KLF11: variants seen among roughly 807,000 people sequenced by gnomAD.
KLF11 encodes KLF transcription factor 11.
Under a neutral mutation model 29.9 loss-of-function variants are expected in KLF11, and 26 were observed. That is an observed-to-expected ratio of 0.87 (90% CI 0.64 to 1.21). KLF11 has a LOEUF of 1.21. KLF11 is among the 50% of genes most tolerant of loss of function. KLF11 has a pLI of 0.00. For missense variants in KLF11, 778 were observed against 665.7 expected (o/e 1.17, Z -1.86); for synonymous variants, 318 against 257.4 (o/e 1.24, Z -2.25).
chr2:10,050,720 T>TAA (rs1161205319), intron 3 of KLF11, among the ~76,000 whole-genome samples: 1 of 151,844 alleles, frequency 6.6e-6, no homozygotes, highest in Non-Finnish European at 1.5e-5. Context: ...AAAATAAAAA[T>TAA]AAATAACTGT....
intron 2 of KLF11, 116 bp downstream of exon 2, chr2:10,046,535 C>T (rs540842373): frequency 2.8e-5 from 33 of 1,168,012 alleles, no homozygotes; most frequent in Admixed American, 2.4e-4. Flanking sequence ...AGTTGCGTAT[C>T]CTCTCTGTGT....
chr2:10,052,498 C>T lies in KLF11; in HGVS notation c.1530C>T (p.Ala510=). Residue 510 remains alanine (A), a synonymous_variant, in exon 4 of 4, where the codon GCC becomes GCT. Transcript: ENST00000305883. ...SPGSPLVSMP[A]SA is the part of the protein sequence containing the mutation. ...GGAGCCCACTGGTGAGCATGCCAGC[C>T]TCTGCCTGAAAGGTCCATTAGGACA... is the stretch of plus-strand genomic sequence containing the variant. The T allele has an allele frequency of 6.2e-7, 1 of 1,613,892 alleles. No individual in the cohort carries two copies. The highest frequency in any genetic ancestry group is 1.1e-5 in the South Asian group (1 of 91,066).
At chr2:10,046,476 C>G in intron 2 of KLF11, 57 bp downstream of exon 2, 1 of 1,579,576 alleles carries the variant, frequency 6.3e-7, no homozygotes, top group Admixed American at 1.7e-5. Flanking sequence ...TAGCTGAACT[C>G]AGTGTGTTGA....
intron 1 of KLF11, among the ~76,000 whole-genome samples, chr2:10,045,521 C>T (rs1008802152): frequency 2.2e-4 from 34 of 152,188 alleles, no homozygotes; most frequent in African/African-American, 7.2e-4. Context: ...GCAAAGAGAT[C>T]CTCTCCGGGT....
Position 10,053,638 on chromosome 2 carries a change from G to A in KLF11, c.*1131G>A, listed in dbSNP as rs1661475626. 1 of 386,656 alleles carries A rather than the reference G, an allele frequency of 2.6e-6. No individual in the cohort carries two copies. The highest frequency in any genetic ancestry group is 2.1e-5 in the African/African-American group (1 of 48,424). 24.0% of individuals were successfully genotyped at this position (386,656 alleles called of 1,614,324 possible). A position where few individuals can be genotyped will look rare whatever the true frequency, so the allele number is the denominator to read the frequency against. On this transcript the variant is annotated 3_prime_UTR_variant, in exon 4 of 4. Coordinates refer to ENST00000305883, the MANE Select transcript of KLF11 (RefSeq NM_003597.5). The stretch of plus-strand genomic sequence containing the variant: ...TAAATGGCAGTAATACTACCCAACT[G>A]CCTTTCTGTTCATTTTGTTTGAAGG...
Position 10,043,592 on chromosome 2 carries a change from G to A in KLF11, c.-125G>A, listed in dbSNP as rs981658727. 2.3e-5 allele frequency: 13 copies of A among 569,080 alleles called. No homozygotes were observed. Among genetic ancestry groups the A allele is most frequent in the East Asian group, 2.9e-4 (2 of 6,886 alleles). The allele number at this position is 569,080 out of a possible 1,614,324, so 35.3% of individuals were successfully genotyped here. A position where few individuals can be genotyped will look rare whatever the true frequency, so the allele number is the denominator to read the frequency against. On this transcript the variant is annotated 5_prime_UTR_variant, in exon 1 of 4. Coordinates refer to ENST00000305883, the MANE Select transcript of KLF11 (RefSeq NM_003597.5). Reference sequence around the variant, plus strand: ...GGGGCAGAGCCGCGCGGGCGGGCGAGGCGCGTGCCGGCCGCAGGAGCTCCG... The same window carrying A: ...GGGGCAGAGCCGCGCGGGCGGGCGAAGCGCGTGCCGGCCGCAGGAGCTCCG...
At chr2:10,045,590 T>A (rs1415362324) in intron 1 of KLF11, among the ~76,000 whole-genome samples, 2 of 152,204 alleles carry the variant, frequency 1.3e-5, no homozygotes, top group African/African-American at 4.8e-5. Flanking sequence ...ACAGATGACT[T>A]CCACTCCCGA....
At chr2:10,045,283 G>A (rs533625441) in intron 1 of KLF11, among the ~76,000 whole-genome samples, 1 of 152,216 alleles carries the variant, frequency 6.6e-6, no homozygotes, top group South Asian at 2.1e-4. Flanking sequence ...AAATTTTCTG[G>A]GCGTGGTGGC....
Position 10,044,363 on chromosome 2 carries a change from T to C in KLF11, c.42+605T>C, listed in dbSNP as rs546863064. ...GCCCTAAGCGTCGCGACCTGGGGGC[T>C]TCGGGGAGGTAGCCGTGGACGTGGG... On this transcript the variant is annotated intron_variant, in intron 1 of 3. Transcript: ENST00000305883. The C allele has an allele frequency of 3.6e-5, 35 of 985,696 alleles. No individual in the cohort carries two copies. The African/African-American group carries it at 5.9e-4, about 17-fold the overall frequency. The allele number at this position is 985,696 out of a possible 1,614,324, so 61.1% of individuals were successfully genotyped here. A position where few individuals can be genotyped will look rare whatever the true frequency, so the allele number is the denominator to read the frequency against.
At chr2:10,047,623 C>T (rs370609362) in intron 2 of KLF11, 27 bp from the exon 3 acceptor site, 42 of 1,586,756 alleles carry the variant, frequency 2.6e-5, no homozygotes, top group Non-Finnish European at 3.3e-5. Flanking sequence ...TTAAAGCAAC[C>T]TTTTAACATG....
chr2:10,048,908 C>CTTTTTTTTTTTTTTTTTTTTTTTTTTTTT (rs58347649), intron 3 of KLF11, among the ~76,000 whole-genome samples: 1 of 121,662 alleles, frequency 8.2e-6, no homozygotes, highest in Non-Finnish European at 1.6e-5. Context: ...ACGTTTCATC[C>CTTTTTTTTTTTTTTTTTTTTTTTTTTTTT]TTTTTTTTTT....
At chr2:10,045,548 T>G (rs1272301246) in intron 1 of KLF11, among the ~76,000 whole-genome samples, 1 of 152,028 alleles carries the variant, frequency 6.6e-6, no homozygotes, top group Non-Finnish European at 1.5e-5. Context: ...CAGGTTGGCT[T>G]CTTGTCACCA....
intron 3 of KLF11, among the ~76,000 whole-genome samples, chr2:10,050,579 C>T (rs187303724): frequency 4.1e-4 from 62 of 151,990 alleles, no homozygotes; most frequent in African/African-American, 1.4e-3. Flanking sequence ...CTTGGTGGCA[C>T]GCTCCTGTAG....
At chr2:10,044,338 G>GA in intron 1 of KLF11, 1 of 985,662 alleles carries the variant, frequency 1.0e-6, no homozygotes, top group Non-Finnish European at 1.2e-6. Context: ...AGCGTTGGGG[G>GA]CCCTAAGCGT....
chr2:10,048,974 C>T (rs1404626839), intron 3 of KLF11, among the ~76,000 whole-genome samples: 2 of 146,570 alleles, frequency 1.4e-5, no homozygotes, highest in Non-Finnish European at 3.0e-5. Context: ...TGTATCTTAC[C>T]AGTGTGACTT....
chr2:10,051,448 C>G (rs772978255), intron 3 of KLF11, among the ~76,000 whole-genome samples: 1 of 152,176 alleles, frequency 6.6e-6, no homozygotes, highest in Non-Finnish European at 1.5e-5. Context: ...CTCAGGTGGT[C>G]TGCCCGCCTC....
chr2:10,046,443 G>C (rs779510185), intron 2 of KLF11, 24 bp downstream of exon 2: 9 of 1,611,374 alleles, frequency 5.6e-6, no homozygotes, highest in East Asian at 2.2e-5. Flanking sequence ...GGAGGGAGGA[G>C]CGTTTTTGTG....
chr2:10,049,893 T>C (rs1661351069), intron 3 of KLF11, among the ~76,000 whole-genome samples: 1 of 152,166 alleles, frequency 6.6e-6, no homozygotes, highest in Non-Finnish European at 1.5e-5. Context: ...CTGAGGGGAA[T>C]TGACCTGCCT....
intron 1 of KLF11, chr2:10,044,021 T>C (rs1341060847): frequency 7.0e-6 from 5 of 710,092 alleles, no homozygotes; most frequent in African/African-American, 1.9e-5. Flanking sequence ...CCCGCCCCGC[T>C]GGCCCCGCGG....
Sources: allele counts gnomAD v4.1 joint callset (sites outside exome capture counted in the v4.1 genomes callset), GRCh38; gene constraint gnomAD v4.1.1; transcripts MANE v1.5; gene names NCBI Gene and HGNC (gene_info 2026-07-23, HGNC 2026-07-21).